Variants in PPP1R9A observed in about 807,000 individuals in gnomAD.
PPP1R9A encodes the protein neurabin-1.
PPP1R9A carries 59 observed loss-of-function variants against 141.9 expected under a neutral mutation model. The ratio of observed to expected loss-of-function variants is 0.42; its 90% CI spans 0.34 to 0.52. The LOEUF is 0.52. PPP1R9A is among the 20% of genes least tolerant of loss of function. PPP1R9A has a pLI of 0.10. For missense variants in PPP1R9A, 1,444 were observed against 1,611.9 expected, an observed-to-expected ratio of 0.90 and a Z score of 1.78; for synonymous variants, 500 against 569.7, an observed-to-expected ratio of 0.88 and a Z score of 1.74.
At chr7:95,017,581 A>G (rs1262523008) in intron 2 of PPP1R9A, among the ~76,000 whole-genome samples, 3 of 152,170 alleles carry the variant, frequency 2.0e-5, no homozygotes, top group African/African-American at 7.2e-5. Flanking sequence ...TTGCCAATAG[A>G]ATAGGAGGGT....
In PPP1R9A at chr7:95,079,575, C is replaced by A. The variant is rs541038061; in HGVS notation, c.1396-31684C>A. On this transcript the variant is annotated intron_variant, in intron 2 of 19. Transcript: ENST00000433360. ...ATCAATAGAAAAAGAGGGAATCCTC[C>A]CTAACTCATTTTATGAGGCCAGCAT... Among the ~76,000 whole-genome samples the A allele has an allele frequency of 7.1e-3, 1,085 of 151,948 alleles. 13 individuals are homozygous for A. Among genetic ancestry groups the A allele is most frequent in the African/African-American group, 0.025 (1,019 of 41,460 alleles).
intron 14 of PPP1R9A, among the ~76,000 whole-genome samples, chr7:95,272,770 A>G (rs1232378869): frequency 6.6e-6 from 1 of 152,200 alleles, no homozygotes; most frequent in African/African-American, 2.4e-5. Flanking sequence ...CATGAGCAAC[A>G]TTAACCTGCA....
At chr7:95,069,102 A>G (rs990437775) in intron 2 of PPP1R9A, among the ~76,000 whole-genome samples, 1 of 152,332 alleles carries the variant, frequency 6.6e-6, no homozygotes, top group East Asian at 1.9e-4. Flanking sequence ...ATATTGTTTA[A>G]GGAATAATGA....
intron 4 of PPP1R9A, among the ~76,000 whole-genome samples, chr7:95,132,230 GAGT>G (rs1824780626): frequency 6.6e-6 from 1 of 152,108 alleles, no homozygotes; most frequent in Non-Finnish European, 1.5e-5. Context: ...TGTTGAATAG[GAGT>G]AATGAGAGTG....
chr7:95,062,585 G>C (rs927936372), intron 2 of PPP1R9A, among the ~76,000 whole-genome samples: 11 of 151,632 alleles, frequency 7.3e-5, no homozygotes, highest in African/African-American at 2.7e-4. Flanking sequence ...ATGGGGTTTT[G>C]CCATGTTGGC....
rs147905433 is a variant in PPP1R9A at position 95,290,300 on chromosome 7, G to A, written c.4122G>A (p.Gln1374=). The change falls in exon 20 of 20, where the codon CAG becomes CAA. Residue 1374 remains glutamine, a synonymous_variant. Coordinates refer to ENST00000433360, the MANE Select transcript of PPP1R9A (RefSeq NM_001166160.2). ...TSTTAEGAGE[Q] is the part of the protein sequence containing the mutation. ...CTACAGCCGAGGGTGCTGGTGAGCAGTAACACATACCCTCTTACAGATGAT... is the reference window on the plus strand; with the variant it reads ...CTACAGCCGAGGGTGCTGGTGAGCAATAACACATACCCTCTTACAGATGAT... 3.4e-5 allele frequency: 54 copies of A among 1,608,152 alleles called. No individual in the cohort carries two copies. Among genetic ancestry groups the A allele is most frequent in the Non-Finnish European group, 3.7e-5 (43 of 1,177,152 alleles).
chr7:95,022,439 C>A (rs1806119459), intron 2 of PPP1R9A, among the ~76,000 whole-genome samples: 1 of 152,152 alleles, frequency 6.6e-6, no homozygotes, highest in Non-Finnish European at 1.5e-5. Context: ...GACAATTTGA[C>A]TTCCTCTATT....
intron 2 of PPP1R9A, among the ~76,000 whole-genome samples, chr7:94,953,630 T>C (rs1448951563): frequency 2.0e-5 from 3 of 152,138 alleles, no homozygotes; most frequent in Non-Finnish European, 4.4e-5. Flanking sequence ...CCTCTCTTAT[T>C]TCCTTGAGCA....
intron 12 of PPP1R9A, among the ~76,000 whole-genome samples, chr7:95,263,408 C>A (rs1236222755): frequency 7.3e-6 from 1 of 137,536 alleles, no homozygotes; most frequent in Non-Finnish European, 1.6e-5. Flanking sequence ...GTATATCTTT[C>A]CAGTTTGTTG....
chr7:94,986,021 G>A (rs569929052), intron 2 of PPP1R9A, among the ~76,000 whole-genome samples: 10 of 152,210 alleles, frequency 6.6e-5, no homozygotes, highest in Non-Finnish European at 1.5e-4. Flanking sequence ...AAAATCTTTG[G>A]AAGCTAACTT....
intron 2 of PPP1R9A, among the ~76,000 whole-genome samples, chr7:95,012,210 G>A (rs1011085994): frequency 2.6e-5 from 4 of 152,038 alleles, no homozygotes; most frequent in Admixed American, 2.0e-4. Context: ...GAAGCATAGC[G>A]GCCTCTGCTT....
In PPP1R9A at chr7:95,087,860, A is replaced by T. The variant is rs1816834839; in HGVS notation, c.1396-23399A>T. ...CAGTGAGCCGAGATCGTGCCACTGC[A>T]CTCCAGCCTAGGTGACAGAGTGAGA... On this transcript the variant is annotated intron_variant, in intron 2 of 19. Transcript: ENST00000433360. Among the ~76,000 whole-genome samples the T allele has an allele frequency of 2.0e-5, 3 of 150,822 alleles. No individual in the cohort carries two copies. The South Asian group carries it at 6.2e-4, about 31-fold the overall frequency.
intron 3 of PPP1R9A, among the ~76,000 whole-genome samples, chr7:95,111,840 G>A (rs1820633115): frequency 6.6e-6 from 1 of 152,062 alleles, no homozygotes; most frequent in Non-Finnish European, 1.5e-5. Context: ...CCCCCTCTGA[G>A]GGGAGAAGGT....
rs570411559 is a variant in PPP1R9A, at chr7:95,069,135, C to T, written c.1396-42124C>T. Among the ~76,000 whole-genome samples the T allele has an allele frequency of 2.0e-4, 31 of 152,240 alleles. No homozygotes were observed. The South Asian group carries it at 2.1e-3, about 10-fold the overall frequency. On this transcript the variant is annotated intron_variant, in intron 2 of 19. Transcript: ENST00000433360. ...TGACAAGAAAAAAAGCCTGTACATG[C>T]TCAGTACAAATGCAGCCATCTGCAG...
At chr7:95,126,418 A>G (rs1452664804) in intron 4 of PPP1R9A, among the ~76,000 whole-genome samples, 1 of 152,216 alleles carries the variant, frequency 6.6e-6, no homozygotes, top group Non-Finnish European at 1.5e-5. Flanking sequence ...GCAATATCAC[A>G]GTGAGACTGA....
At chr7:95,262,243 T>C (rs1242034773) in intron 12 of PPP1R9A, among the ~76,000 whole-genome samples, 2 of 152,210 alleles carry the variant, frequency 1.3e-5, no homozygotes, top group African/African-American at 4.8e-5. Flanking sequence ...ATGACCCAGC[T>C]TATCCACATG....
intron 2 of PPP1R9A, among the ~76,000 whole-genome samples, chr7:95,105,401 T>C (rs916358595): frequency 6.6e-6 from 1 of 152,252 alleles, no homozygotes; most frequent in Non-Finnish European, 1.5e-5. Context: ...CCTGAAAGCC[T>C]GTCTCTGCTG....
intron 7 of PPP1R9A, among the ~76,000 whole-genome samples, chr7:95,213,456 G>T (rs1355579643): frequency 6.6e-6 from 1 of 151,632 alleles, no homozygotes; most frequent in Non-Finnish European, 1.5e-5. Flanking sequence ...AAGTAGCTGG[G>T]ATTACAGGCC....
intron 2 of PPP1R9A, among the ~76,000 whole-genome samples, chr7:95,021,085 C>G (rs1465942226): frequency 1.3e-5 from 2 of 152,234 alleles, no homozygotes; most frequent in East Asian, 3.9e-4. Context: ...ATTTACACTC[C>G]CACCAGTAGT....
Sources: gnomAD v4.1 joint callset for allele counts (sites outside exome capture counted in the v4.1 genomes callset) on GRCh38, gnomAD v4.1.1 for gene constraint, MANE v1.5 for transcripts, NCBI Gene and HGNC (gene_info 2026-07-23, HGNC 2026-07-21) for gene names.